The following TMEFF1 variants were observed in gnomAD, a reference collection of about 807,000 sequenced individuals.
TMEFF1 encodes tomoregulin-1.
TMEFF1 carries 20 observed loss-of-function variants against 47.5 expected under a neutral mutation model. The observed-to-expected ratio is 0.42, with a 90% CI of 0.30 to 0.61. The LOEUF (loss-of-function observed/expected upper bound fraction) is 0.61, where lower values mean the gene tolerates loss of function less well. Ranked by LOEUF, TMEFF1 falls within the 20% of genes least tolerant of loss-of-function variation. The pLI is 0.19. For synonymous variants in TMEFF1, 162 were observed against 166.3 expected, an observed-to-expected ratio of 0.97 and a Z score of 0.20; for missense variants, 411 against 471.1, an observed-to-expected ratio of 0.87 and a Z score of 1.18.
At chr9:100,522,119 G>A (rs1174161101) in intron 5 of TMEFF1, among the ~76,000 whole-genome samples, 1 of 152,148 alleles carries the variant, frequency 6.6e-6, no homozygotes, top group East Asian at 1.9e-4. Flanking sequence ...TTTGTGTCCT[G>A]CAATATATCC....
At chr9:100,479,335 C>G (rs1564260909) in intron 1 of TMEFF1, among the ~76,000 whole-genome samples, 1 of 152,188 alleles carries the variant, frequency 6.6e-6, no homozygotes, top group African/African-American at 2.4e-5. Flanking sequence ...TTTACCACAT[C>G]TGGGCTTGCT....
rs563641500 is a variant in TMEFF1 at position 100,514,480 on chromosome 9, G to A, written c.463+1147G>A. 7.2e-5 allele frequency among the ~76,000 whole-genome samples: 11 copies of A among 152,188 alleles called. No homozygotes were observed. In the South Asian group the frequency reaches 2.3e-3, roughly 32 times the overall value. ...CATGTAGTCTAGCCCCTGTGGTCAGGTATTCAGTTAGGAAACTGTCATTGT... is the reference window on the plus strand; with the variant it reads ...CATGTAGTCTAGCCCCTGTGGTCAGATATTCAGTTAGGAAACTGTCATTGT... On this transcript the variant is annotated intron_variant, in intron 4 of 9. Coordinates refer to ENST00000374879, the MANE Select transcript of TMEFF1 (RefSeq NM_003692.5).
chr9:100,545,630 C>T (rs1838719476), intron 5 of TMEFF1, among the ~76,000 whole-genome samples: 1 of 152,232 alleles, frequency 6.6e-6, no homozygotes, highest in African/African-American at 2.4e-5. Context: ...CAAATTTCTG[C>T]AGCTAGCTTG....
At chr9:100,538,701 C>A (rs779273734) in intron 5 of TMEFF1, among the ~76,000 whole-genome samples, 1 of 152,170 alleles carries the variant, frequency 6.6e-6, no homozygotes, top group Non-Finnish European at 1.5e-5. Flanking sequence ...TCGTGCACAG[C>A]ATTATGTTTT....
chr9:100,502,548 G>A (rs1837782812), intron 2 of TMEFF1, among the ~76,000 whole-genome samples: 1 of 151,838 alleles, frequency 6.6e-6, no homozygotes, highest in Non-Finnish European at 1.5e-5. Context: ...TTTTTTTGTA[G>A]CGCCAAGACC....
intron 5 of TMEFF1, among the ~76,000 whole-genome samples, chr9:100,525,748 C>G (rs1838243157): frequency 6.6e-6 from 1 of 152,112 alleles, no homozygotes; most frequent in South Asian, 2.1e-4. Flanking sequence ...TTTCTGGTGA[C>G]ATTAACTCCC....
chr9:100,549,947 T>C (rs1259903232), intron 6 of TMEFF1, 148 bp from the exon 7 acceptor site: 2 of 943,136 alleles, frequency 2.1e-6, no homozygotes, highest in Non-Finnish European at 1.5e-6. Flanking sequence ...AGAAATGACA[T>C]AATTGATTTA....
At chr9:100,547,095 G>C (rs564056371) in intron 5 of TMEFF1, among the ~76,000 whole-genome samples, 1 of 151,974 alleles carries the variant, frequency 6.6e-6, no homozygotes, top group African/African-American at 2.4e-5. Flanking sequence ...GGCTCACTGC[G>C]GCCTCAACCT....
intron 1 of TMEFF1, among the ~76,000 whole-genome samples, chr9:100,496,935 T>A (rs913112252): frequency 8.5e-5 from 13 of 152,182 alleles, no homozygotes; most frequent in Non-Finnish European, 1.5e-4. Flanking sequence ...TTGATTAAGC[T>A]CTTAGTTGAG....
intron 1 of TMEFF1, among the ~76,000 whole-genome samples, chr9:100,479,097 T>A (rs768081099): frequency 6.6e-6 from 1 of 152,222 alleles, no homozygotes. Flanking sequence ...AGTGAGTTTT[T>A]CTAATTAATG....
intron 5 of TMEFF1, among the ~76,000 whole-genome samples, chr9:100,531,466 A>G (rs1838375595): frequency 6.6e-6 from 1 of 152,208 alleles, no homozygotes; most frequent in Non-Finnish European, 1.5e-5. Context: ...GAGCCAAATC[A>G]TGAGTGAGCT....
chr9:100,528,802 A>G (rs1368411551), intron 5 of TMEFF1, among the ~76,000 whole-genome samples: 3 of 114,576 alleles, frequency 2.6e-5, no homozygotes, highest in Admixed American at 1.9e-4. Context: ...GATTCACCAA[A>G]GTTGAAATGA....
chr9:100,564,826 G>T (rs1007265456), intron 8 of TMEFF1, among the ~76,000 whole-genome samples: 1 of 152,220 alleles, frequency 6.6e-6, no homozygotes, highest in African/African-American at 2.4e-5. Context: ...TAAGTATAAA[G>T]GAGTTGTGAG....
At chr9:100,478,824 G>A (rs984010288) in intron 1 of TMEFF1, among the ~76,000 whole-genome samples, 2 of 152,106 alleles carry the variant, frequency 1.3e-5, no homozygotes, top group Admixed American at 1.3e-4. Context: ...TTGGCTCTGG[G>A]ATATTTGAGA....
At chr9:100,567,130 C>A (rs1279164882) in intron 8 of TMEFF1, among the ~76,000 whole-genome samples, 1 of 152,098 alleles carries the variant, frequency 6.6e-6, no homozygotes, top group Non-Finnish European at 1.5e-5. Context: ...GTCTCTTCAC[C>A]TCTCTGTCTG....
rs1411083079 is a variant in TMEFF1, at chr9:100,572,641, T to G, written c.1023T>G (p.Ile341Met). 2 of 1,612,526 alleles carry G rather than the reference T, an allele frequency of 1.2e-6. No homozygotes were observed. Among genetic ancestry groups the G allele is most frequent in the Non-Finnish European group, 1.7e-6 (2 of 1,179,440 alleles). The change falls in exon 9 of 10, where the codon ATT becomes ATG. Residue 341 changes from isoleucine to methionine, a missense_variant. By Grantham distance (10) the Ile-to-Met change is conservative. Coordinates refer to ENST00000374879, the MANE Select transcript of TMEFF1 (RefSeq NM_003692.5). ...CAGCAATTATTGGAGCTGTACAGATTGCCATCATAGTAGCAATTGTAATGT... is the reference window on the plus strand; with the variant it reads ...CAGCAATTATTGGAGCTGTACAGATGGCCATCATAGTAGCAATTGTAATGT... ...LIAAIIGAVQIAIIVAIVMCI... is the reference protein window; with the variant it reads ...LIAAIIGAVQMAIIVAIVMCI...
chr9:100,517,621 A>G (rs1346704488), intron 5 of TMEFF1, among the ~76,000 whole-genome samples: 1 of 152,224 alleles, frequency 6.6e-6, no homozygotes, highest in African/African-American at 2.4e-5. Context: ...GTATTAATTT[A>G]TTTGGTGCAT....
chr9:100,532,041 T>A (rs1838392495), intron 5 of TMEFF1, among the ~76,000 whole-genome samples: 1 of 151,714 alleles, frequency 6.6e-6, no homozygotes, highest in Non-Finnish European at 1.5e-5. Flanking sequence ...TAGCCATATG[T>A]AGAAAGCTGA....
At chr9:100,566,841 A>G (rs1839136222) in intron 8 of TMEFF1, among the ~76,000 whole-genome samples, 1 of 151,994 alleles carries the variant, frequency 6.6e-6, no homozygotes, top group Admixed American at 6.6e-5. Flanking sequence ...AATAGCTGGG[A>G]TTACAGGCGT....
Sources: allele counts gnomAD v4.1 joint callset (sites outside exome capture counted in the v4.1 genomes callset), GRCh38; gene constraint gnomAD v4.1.1; transcripts MANE v1.5; gene names NCBI Gene and HGNC (gene_info 2026-07-23, HGNC 2026-07-21).